SFI1: variants seen among roughly 807,000 people sequenced by gnomAD.
The protein encoded by SFI1 is SFI1 centrin binding protein, also known as protein SFI1 homolog.
SFI1 carries 195 observed loss-of-function variants against 207.5 expected under a neutral mutation model. The ratio of observed to expected loss-of-function variants is 0.94; its 90% CI spans 0.84 to 1.06. SFI1 has a LOEUF of 1.06. Ranked by LOEUF, SFI1 falls within the 50% of genes least tolerant of loss-of-function variation. SFI1 has a pLI of 0.00. For missense variants in SFI1, 1,634 were observed against 1,588.0 expected (o/e 1.03, Z -0.49); for synonymous variants, 630 against 598.9 (o/e 1.05, Z -0.76).
At chr22:31,591,140 T>G (rs1487293110) in intron 15 of SFI1, among the ~76,000 whole-genome samples, 2 of 152,028 alleles carry the variant, frequency 1.3e-5, no homozygotes, top group Non-Finnish European at 2.9e-5. Context: ...GTGTCCCTGG[T>G]TACTTGAGAT....
intron 8 of SFI1, among the ~76,000 whole-genome samples, chr22:31,571,269 GTC>G (rs2062916417): frequency 6.6e-6 from 1 of 152,154 alleles, no homozygotes; most frequent in Non-Finnish European, 1.5e-5. Context: ...GGTGGATACT[GTC>G]TGTGTTTCAC....
At chr22:31,577,472 A>G (rs948286156) in intron 10 of SFI1, among the ~76,000 whole-genome samples, 9 of 152,154 alleles carry the variant, frequency 5.9e-5, no homozygotes, top group South Asian at 2.1e-4. Flanking sequence ...CACAGGCGCA[A>G]TGGTAGCTCA....
At chr22:31,508,051 G>A (rs1160462708) in intron 1 of SFI1, among the ~76,000 whole-genome samples, 2 of 151,964 alleles carry the variant, frequency 1.3e-5, no homozygotes, top group Non-Finnish European at 2.9e-5. Flanking sequence ...ACTCCAGCCT[G>A]GGTGAAAGAG....
rs1202845039 is a variant in SFI1 at position 31,531,048 on chromosome 22, C to G, written c.267-10C>G. On this transcript the variant is annotated splice_polypyrimidine_tract_variant and intron_variant, in intron 3 of 32. Transcript: ENST00000400288. The stretch of plus-strand genomic sequence containing the variant: ...TTAAAATATGTATATGCTTTTTTTC[C>G]TTCTTTCAGATGCGTGGCCAGAAAG... 1 of 1,602,978 alleles carries G rather than the reference C, an allele frequency of 6.2e-7. No individual in the cohort carries two copies. Among genetic ancestry groups the G allele is most frequent in the Non-Finnish European group, 8.5e-7 (1 of 1,176,572 alleles).
At chr22:31,616,490 C>CGT in intron 29 of SFI1, 1 of 421,512 alleles carries the variant, frequency 2.4e-6, no homozygotes, top group Non-Finnish European at 4.2e-6. Context: ...GCAGTGGAGG[C>CGT]GTGAGGCGGA....
At chr22:31,556,311 C>T (rs2061162283) in intron 6 of SFI1, among the ~76,000 whole-genome samples, 1 of 151,802 alleles carries the variant, frequency 6.6e-6, no homozygotes, top group South Asian at 2.1e-4. Context: ...CAACCTCTCC[C>T]TCCCAGGTTT....
At chr22:31,580,222 ACT>A (rs1199545671) in intron 11 of SFI1, 48 bp from the exon 12 acceptor site, 2 of 1,463,516 alleles carry the variant, frequency 1.4e-6, no homozygotes, top group Non-Finnish European at 1.9e-6. Context: ...TAGTTTACAG[ACT>A]CTACTGATCC....
Position 31,613,771 on chromosome 22 carries a change from C to G in SFI1, c.2912C>G (p.Thr971Ser). 6.2e-7 allele frequency: 1 copy of G among 1,612,844 alleles called. No individual in the cohort carries two copies. Among genetic ancestry groups the G allele is most frequent in the Non-Finnish European group, 8.5e-7 (1 of 1,179,780 alleles). ...NRIAAGAGDGTLETKRPQASR... is the reference protein window; with the variant it reads ...NRIAAGAGDGSLETKRPQASR... ...ATTGCTGCTGGGGCTGGGGATGGCACCCTTGAGACCAAGAGGCCACAGGCT... is the reference window on the plus strand; with the variant it reads ...ATTGCTGCTGGGGCTGGGGATGGCAGCCTTGAGACCAAGAGGCCACAGGCT... Residue 971 changes from threonine to serine, a missense_variant, in exon 27 of 33, where the codon ACC becomes AGC. Physicochemically the swap from Thr to Ser is moderately conservative, Grantham distance 58. Transcript: ENST00000400288.
chr22:31,604,363 C>G lies in SFI1; in HGVS notation c.1936C>G (p.His646Asp). The stretch of plus-strand genomic sequence containing the variant: ...GAAGCTGATGCGAGCAGACCTGCAC[C>G]ACCAGCACAGCGTGCTGCACAGGGC... ...RQKLMRADLH[H>D]QHSVLHRALQ... The change falls in exon 19 of 33, where the codon CAC (histidine) becomes GAC (aspartate). Residue 646 changes from histidine (H) to aspartate (D), a missense_variant. His to Asp is a moderately conservative substitution (Grantham distance 81, BLOSUM62 -1). Coordinates refer to ENST00000400288, the MANE Select transcript of SFI1 (RefSeq NM_001007467.3). 1.3e-6 allele frequency: 2 copies of G among 1,577,072 alleles called. No individual in the cohort carries two copies. Among genetic ancestry groups the G allele is most frequent in the South Asian group, 1.2e-5 (1 of 86,298 alleles).
chr22:31,575,421 T>C (rs2063378127), intron 10 of SFI1, 29 bp downstream of exon 10: 3 of 1,557,028 alleles, frequency 1.9e-6, no homozygotes, highest in Admixed American at 1.8e-5. Context: ...AGGCTGTCCA[T>C]TGCCTCAGCC....
chr22:31,608,357 C>T (rs903191009), intron 22 of SFI1, among the ~76,000 whole-genome samples: 3 of 152,178 alleles, frequency 2.0e-5, no homozygotes, highest in African/African-American at 7.2e-5. Flanking sequence ...CAGTCTTTGC[C>T]CCATCTTGAC....
chr22:31,616,992 C>T lies in SFI1; in HGVS notation c.3434-8C>T, dbSNP rs377236604. On this transcript the variant is annotated splice_region_variant and splice_polypyrimidine_tract_variant and intron_variant, in intron 30 of 32. Coordinates refer to ENST00000400288, the MANE Select transcript of SFI1 (RefSeq NM_001007467.3). Reference sequence around the variant, plus strand: ...TAGTCTGAAACAAGCTTACTTCTGTCGCCATAGGCAGCCTGGACCTTGAGG... The same window carrying T: ...TAGTCTGAAACAAGCTTACTTCTGTTGCCATAGGCAGCCTGGACCTTGAGG... The T allele has an allele frequency of 2.2e-5, 35 of 1,614,026 alleles. No individual in the cohort carries two copies. The East Asian group carries it at 2.2e-4, about 10-fold the overall frequency.
At position 31,617,061 on chromosome 22, in the gene SFI1, C is replaced by T. The variant is rs570059832; in HGVS notation, c.3495C>T (p.Thr1165=). The T allele has an allele frequency of 1.2e-6, 2 of 1,614,048 alleles. No individual in the cohort carries two copies. Among genetic ancestry groups the T allele is most frequent in the Non-Finnish European group, 1.7e-6 (2 of 1,180,022 alleles). The change falls in exon 31 of 33, where the codon ACC becomes ACT. Residue 1165 remains threonine, a synonymous_variant. Coordinates refer to ENST00000400288, the MANE Select transcript of SFI1 (RefSeq NM_001007467.3). The stretch of plus-strand genomic sequence containing the variant: ...AGCAGCAACTACTGCACTACCAGAC[C>T]ACCAAGCAGAACCTCTGGTGAGCCC... The part of the protein sequence containing the change: ...EIQQQLLHYQ[T]TKQNLWSCRR...
At chr22:31,503,823 A>G (rs2054213219) in intron 1 of SFI1, among the ~76,000 whole-genome samples, 2 of 151,066 alleles carry the variant, frequency 1.3e-5, no homozygotes, top group South Asian at 4.2e-4. Flanking sequence ...TCCTGACCTC[A>G]GGTGATCCAC....
intron 3 of SFI1, chr22:31,530,840 T>G (rs547878927): frequency 7.3e-6 from 4 of 551,056 alleles, no homozygotes; most frequent in Non-Finnish European, 1.3e-5. Context: ...CAATTTATGT[T>G]GAAAATATTT....
intron 15 of SFI1, among the ~76,000 whole-genome samples, chr22:31,593,479 GC>G (rs1374973078): frequency 7.6e-6 from 1 of 131,008 alleles, no homozygotes; most frequent in Non-Finnish European, 1.7e-5. Flanking sequence ...AGATGGGATG[GC>G]GGCCGGGTGG....
At chr22:31,616,144 T>C (rs1245398432) in intron 29 of SFI1, 1 of 151,980 alleles carries the variant, frequency 6.6e-6, no homozygotes, top group Non-Finnish European at 1.5e-5. Context: ...AGCTCAGTAA[T>C]GGAAGTGACA....
chr22:31,529,087 G>A (rs1543416), intron 3 of SFI1: 301,658 of 446,450 alleles, frequency 0.68, 104,152 homozygotes, highest in Non-Finnish European at 0.73. Context: ...ACAATATGAC[G>A]CTATCAAGAT....
Position 31,580,287 on chromosome 22 carries a change from G to T in SFI1, c.1171G>T (p.Ala391Ser), listed in dbSNP as rs1219417846. ...CTTTGCACAGTATTTTTGCTTTAGAGCCCTAAAAGACAATGTGACCCACGC... is the reference window on the plus strand; with the variant it reads ...CTTTGCACAGTATTTTTGCTTTAGATCCCTAAAAGACAATGTGACCCACGC... Reference protein sequence around the residue: ...RHSQLYFCFRALKDNVTHAHL... With the variant: ...RHSQLYFCFRSLKDNVTHAHL... Residue 391 changes from alanine (A) to serine (S), a missense_variant, in exon 12 of 33, where the codon GCC (alanine) becomes TCC (serine). By Grantham distance (99) the Ala-to-Ser change is moderately conservative (BLOSUM62 1). Coordinates refer to ENST00000400288, the MANE Select transcript of SFI1 (RefSeq NM_001007467.3). 6.2e-7 allele frequency: 1 copy of T among 1,613,776 alleles called. No homozygotes were observed. Among genetic ancestry groups the T allele is most frequent in the Non-Finnish European group, 8.5e-7 (1 of 1,179,806 alleles).
Sources: gnomAD v4.1 joint callset for allele counts (sites outside exome capture counted in the v4.1 genomes callset) on GRCh38, gnomAD v4.1.1 for gene constraint, MANE v1.5 for transcripts, NCBI Gene and HGNC (gene_info 2026-07-23, HGNC 2026-07-21) for gene names.